The following ELP4 variants were observed in gnomAD, a reference collection of about 807,000 sequenced individuals.
The protein encoded by ELP4 is elongator acetyltransferase complex subunit 4, also known as elongator complex protein 4.
ELP4 carries 51 observed loss-of-function variants against 48.9 expected under a neutral mutation model. That is an observed-to-expected ratio of 1.04 (90% confidence interval 0.83 to 1.32). ELP4 has a LOEUF of 1.32. Among genes scored for constraint, ELP4 ranks in the 40% most tolerant of loss-of-function variants. The pLI is 0.00. For missense variants in ELP4, 519 were observed against 514.6 expected, an observed-to-expected ratio of 1.01 and a Z score of -0.08; for synonymous variants, 210 against 189.2, an observed-to-expected ratio of 1.11 and a Z score of -0.90.
intron 5 of ELP4, among the ~76,000 whole-genome samples, chr11:31,606,426 A>C (rs879331091): frequency 6.6e-6 from 1 of 152,118 alleles, no homozygotes; most frequent in Non-Finnish European, 1.5e-5. Context: ...GTGAGGATAT[A>C]ATATATAATT....
Position 31,632,326 on chromosome 11 carries a change from A to G in ELP4, c.848A>G (p.Lys283Arg). ...GGTGGCAACAGTCACAGCCTTACCA[A>G]GTTCCTCTATGTTCTCCGTGGTCTT... ...ENGGNSHSLT[K>R]FLYVLRGLLR... Residue 283 changes from lysine to arginine, a missense_variant, in exon 7 of 10, where the codon AAG becomes AGG. By Grantham distance (26) the Lys-to-Arg change is conservative. Transcript: ENST00000640961. 6.2e-7 allele frequency: 1 copy of G among 1,613,534 alleles called. No homozygotes were observed. Among genetic ancestry groups the G allele is most frequent in the Non-Finnish European group, 8.5e-7 (1 of 1,179,696 alleles).
intron 2 of ELP4, among the ~76,000 whole-genome samples, chr11:31,521,835 A>G (rs1356343857): frequency 6.6e-6 from 1 of 152,192 alleles, no homozygotes; most frequent in Non-Finnish European, 1.5e-5. Context: ...GCTATTAAAA[A>G]TGTAATATAT....
At chr11:31,718,145 G>A (rs1243150450) in intron 9 of ELP4, among the ~76,000 whole-genome samples, 1 of 152,076 alleles carries the variant, frequency 6.6e-6, no homozygotes. Flanking sequence ...GTTTATTTCT[G>A]AATATAGGCA....
At chr11:31,537,515 C>T (rs1382986400) in intron 2 of ELP4, among the ~76,000 whole-genome samples, 1 of 152,246 alleles carries the variant, frequency 6.6e-6, no homozygotes, top group East Asian at 1.9e-4. Context: ...ATAATTGAGA[C>T]TGGGTAATTT....
intron 3 of ELP4, among the ~76,000 whole-genome samples, chr11:31,569,316 A>G (rs1957159530): frequency 6.6e-6 from 1 of 152,212 alleles, no homozygotes; most frequent in African/African-American, 2.4e-5. Flanking sequence ...CTAACAATCT[A>G]CAAAATGGGA....
rs542575414 is a variant in ELP4, at chr11:31,658,724, A to G, written c.1143+8503A>G. On this transcript the variant is annotated intron_variant, in intron 9 of 9. Transcript: ENST00000640961. ...TTTGTATTTTAAATTTTTCTAAGGT[A>G]TTTTACATTTGTTATTTTCGGAGCA... Among the ~76,000 whole-genome samples, 9 of 152,018 alleles carry G rather than the reference A, an allele frequency of 5.9e-5. No homozygotes were observed. The South Asian group carries it at 1.7e-3, about 28-fold the overall frequency.
In ELP4 at chr11:31,790,110, A is replaced by AAAC. The variant is rs1565183636; in HGVS notation, c.*6588_*6589insCAA. 1.3e-5 allele frequency: 10 copies of AAAC among 799,086 alleles called. No individual in the cohort carries two copies. In the African/African-American group the frequency reaches 1.6e-4, roughly 13 times the overall value. The allele number at this position is 799,086 out of a possible 1,614,324, so 49.5% of individuals were successfully genotyped here. On this transcript the variant is annotated 3_prime_UTR_variant, in exon 10 of 10. Transcript: ENST00000640961. ...TTTATAGGTTTACAAAAAAAAAAAA[A>AAAC]AAAAAAAAAACTAATACTTTCTAAC...
chr11:31,617,583 T>G (rs967819796), intron 5 of ELP4, among the ~76,000 whole-genome samples: 4 of 152,004 alleles, frequency 2.6e-5, no homozygotes, highest in African/African-American at 9.7e-5. Flanking sequence ...ATATGGGTTT[T>G]TTAACCACAA....
intron 9 of ELP4, among the ~76,000 whole-genome samples, chr11:31,753,745 A>G (rs552347843): frequency 2.0e-5 from 3 of 152,340 alleles, no homozygotes; most frequent in South Asian, 2.1e-4. Flanking sequence ...AAAATGATAC[A>G]TGCATTATGA....
intron 3 of ELP4, among the ~76,000 whole-genome samples, chr11:31,576,037 A>C (rs905245225): frequency 2.0e-5 from 3 of 152,238 alleles, no homozygotes; most frequent in Non-Finnish European, 4.4e-5. Context: ...TGCTGCATTC[A>C]GGAGACCCAT....
intron 9 of ELP4, among the ~76,000 whole-genome samples, chr11:31,697,384 A>C (rs1946431969): frequency 6.6e-6 from 1 of 152,172 alleles, no homozygotes; most frequent in Admixed American, 6.6e-5. Flanking sequence ...CTGTATTATA[A>C]TGGAAGAGGA....
intron 3 of ELP4, among the ~76,000 whole-genome samples, chr11:31,554,186 T>C (rs958535378): frequency 2.0e-5 from 3 of 152,174 alleles, no homozygotes; most frequent in Admixed American, 1.3e-4. Context: ...TATATCAGTG[T>C]AATAATGATA....
intron 3 of ELP4, among the ~76,000 whole-genome samples, chr11:31,570,903 G>A (rs181506346): frequency 1.3e-3 from 195 of 147,160 alleles, no homozygotes; most frequent in Non-Finnish European, 2.0e-3. Context: ...GGGTTCAAGC[G>A]ATTGTTCTGC....
At chr11:31,680,396 G>A (rs1427674666) in intron 9 of ELP4, among the ~76,000 whole-genome samples, 7 of 152,256 alleles carry the variant, frequency 4.6e-5, no homozygotes, top group African/African-American at 1.7e-4. Context: ...TTCTGCACCT[G>A]CATCACTAGT....
chr11:31,536,263 A>G (rs555374007), intron 2 of ELP4, among the ~76,000 whole-genome samples: 4 of 151,878 alleles, frequency 2.6e-5, no homozygotes, highest in Non-Finnish European at 5.9e-5. Context: ...TTCAACTCTC[A>G]TGGGTAAGTA....
Position 31,627,184 on chromosome 11 carries a change from C to A in ELP4, c.728C>A (p.Ser243Tyr). Residue 243 changes from serine (S) to tyrosine (Y), a missense_variant, in exon 6 of 10, where the codon TCC (serine) becomes TAC (tyrosine). Transcript: ENST00000640961. The part of the protein sequence containing the change: ...NIIYEEGFDG[S>Y]NPQKKQRNIL... Reference sequence around the variant, plus strand: ...ATTTATGAGGAAGGATTTGATGGATCCAATCCTCAGGTATTAAATAGCTTC... The same window carrying A: ...ATTTATGAGGAAGGATTTGATGGATACAATCCTCAGGTATTAAATAGCTTC... 2 of 1,526,956 alleles carry A rather than the reference C, an allele frequency of 1.3e-6. No individual in the cohort carries two copies. Among genetic ancestry groups the A allele is most frequent in the Middle Eastern group, 1.8e-4 (1 of 5,576 alleles). 94.6% of individuals were successfully genotyped at this position (1,526,956 alleles called of 1,614,324 possible). A position where few individuals can be genotyped will look rare whatever the true frequency, so the allele number is the denominator to read the frequency against.
chr11:31,551,299 G>A (rs115122860), intron 3 of ELP4, among the ~76,000 whole-genome samples: 23 of 152,232 alleles, frequency 1.5e-4, no homozygotes, highest in African/African-American at 5.1e-4. Context: ...AGCCTTCATC[G>A]TCAACATCAT....
At chr11:31,652,221 GTTT>G (rs567681364) in intron 9 of ELP4, 2 of 151,344 alleles carry the variant, frequency 1.3e-5, no homozygotes, top group Non-Finnish European at 3.0e-5. Flanking sequence ...AGTTTTTTGA[GTTT>G]TTTTGTTATT....
chr11:31,513,754 A>G (rs999374483), intron 1 of ELP4, among the ~76,000 whole-genome samples: 3 of 152,212 alleles, frequency 2.0e-5, no homozygotes, highest in African/African-American at 7.2e-5. Flanking sequence ...TAATTGTCTT[A>G]CTACTGCATG....
Sources: gnomAD v4.1 joint callset for allele counts (sites outside exome capture counted in the v4.1 genomes callset) on GRCh38, gnomAD v4.1.1 for gene constraint, MANE v1.5 for transcripts, NCBI Gene and HGNC (gene_info 2026-07-23, HGNC 2026-07-21) for gene names.